Variants in RASSF5 observed in about 807,000 individuals in gnomAD.
The protein encoded by RASSF5 is Ras association domain family member 5.
RASSF5 carries 25 observed loss-of-function variants against 40.5 expected under a neutral mutation model. That is an observed-to-expected ratio of 0.62 (90% CI 0.45 to 0.86). The LOEUF is 0.86. RASSF5 is among the 40% of genes least tolerant of loss of function. RASSF5 has a pLI of 0.00. For missense variants in RASSF5, 521 were observed against 572.8 expected, an observed-to-expected ratio of 0.91 and a Z score of 0.92; for synonymous variants, 246 against 252.4, an observed-to-expected ratio of 0.97 and a Z score of 0.24.
At chr1:206,546,865 C>T (rs1264283768) in intron 2 of RASSF5, among the ~76,000 whole-genome samples, 2 of 152,242 alleles carry the variant, frequency 1.3e-5, no homozygotes, top group African/African-American at 4.8e-5. Flanking sequence ...TCTTTAGCAC[C>T]ATCTTAAAGT....
At chr1:206,527,142 C>A (rs1204914887) in intron 1 of RASSF5, among the ~76,000 whole-genome samples, 1 of 152,166 alleles carries the variant, frequency 6.6e-6, no homozygotes, top group Non-Finnish European at 1.5e-5. Flanking sequence ...CGCCCCAGCA[C>A]CCGATTGAGT....
chr1:206,584,653 A>C lies in RASSF5; in HGVS notation c.957A>C (p.Ala319=). 1 of 1,614,232 alleles carries C rather than the reference A, an allele frequency of 6.2e-7. No homozygotes were observed. Among genetic ancestry groups the C allele is most frequent in the Non-Finnish European group, 8.5e-7 (1 of 1,180,044 alleles). Residue 319 remains alanine (A), a synonymous_variant, in exon 4 of 6, where the codon GCA becomes GCC. Transcript: ENST00000579436. This position sits in a 1 kb window ranked among gnomAD's most constrained non-coding sequence, Gnocchi z 4.9. ...TTGTGGACAATCCCCAGAAGTTTGCACTTTTTAAGCGGATACACAAGGACG... is the reference window on the plus strand; with the variant it reads ...TTGTGGACAATCCCCAGAAGTTTGCCCTTTTTAAGCGGATACACAAGGACG... ...FMVVDNPQKF[A]LFKRIHKDGQ... is the part of the protein sequence containing the mutation.
intron 2 of RASSF5, among the ~76,000 whole-genome samples, chr1:206,541,481 A>T (rs550201634): frequency 2.0e-5 from 3 of 152,156 alleles, no homozygotes; most frequent in African/African-American, 7.2e-5. Flanking sequence ...TCAAAAGGTC[A>T]TCGGAAACAG....
chr1:206,565,079 A>C (rs1025523191), intron 2 of RASSF5, among the ~76,000 whole-genome samples: 3 of 152,102 alleles, frequency 2.0e-5, no homozygotes, highest in Non-Finnish European at 4.4e-5. Context: ...CCTTAAATTT[A>C]GTATGTCCAG....
At chr1:206,520,461 G>T (rs1418227837) in intron 1 of RASSF5, among the ~76,000 whole-genome samples, 1 of 152,090 alleles carries the variant, frequency 6.6e-6, no homozygotes, top group Non-Finnish European at 1.5e-5. Context: ...AGAAAAATTA[G>T]CTGGGCAAGG....
At position 206,551,128 on chromosome 1, in the gene RASSF5, G is replaced by A. The variant is rs1667828040; in HGVS notation, c.579+12835G>A. Among the ~76,000 whole-genome samples the A allele has an allele frequency of 1.3e-5, 2 of 152,262 alleles. 1 individual carries two copies. Among genetic ancestry groups the A allele is most frequent in the South Asian group, 4.1e-4 (2 of 4,828 alleles). ...GAATGTCAGGAAAGTCAGAAACTAG[G>A]GTCCCACATCTAATCTTTCCTGGTA... On this transcript the variant is annotated intron_variant, in intron 2 of 5. Coordinates refer to ENST00000579436, the MANE Select transcript of RASSF5 (RefSeq NM_182663.4).
intron 1 of RASSF5, among the ~76,000 whole-genome samples, chr1:206,517,005 A>G (rs1553395512): frequency 1.3e-5 from 2 of 152,116 alleles, no homozygotes. Context: ...TAAACTAGAG[A>G]GGGCCACAAC....
intron 2 of RASSF5, chr1:206,557,438 C>T: frequency 7.0e-7 from 1 of 1,428,092 alleles, no homozygotes; most frequent in Middle Eastern, 2.6e-4. Context: ...GCTACCCGAC[C>T]AGCTCCCGGC....
intron 1 of RASSF5, among the ~76,000 whole-genome samples, chr1:206,516,597 C>T (rs1271618703): frequency 6.6e-6 from 1 of 152,104 alleles, no homozygotes; most frequent in African/African-American, 2.4e-5. Context: ...GCTGGGACTA[C>T]AGGTGCGTGC....
At chr1:206,528,429 G>A (rs1667152252) in intron 1 of RASSF5, among the ~76,000 whole-genome samples, 2 of 152,178 alleles carry the variant, frequency 1.3e-5, no homozygotes, top group Non-Finnish European at 2.9e-5. Context: ...AATAGGCAGA[G>A]CACAGCGGGT....
intron 2 of RASSF5, among the ~76,000 whole-genome samples, chr1:206,575,867 A>T (rs1334883360): frequency 1.3e-5 from 2 of 152,228 alleles, no homozygotes; most frequent in African/African-American, 4.8e-5. Context: ...CTAACGCCAA[A>T]GTCCAAAGCC....
At chr1:206,578,805 A>G (rs1164913125) in intron 2 of RASSF5, among the ~76,000 whole-genome samples, 1 of 152,030 alleles carries the variant, frequency 6.6e-6, no homozygotes, top group Non-Finnish European at 1.5e-5. Context: ...ACTCACTCAG[A>G]GCCTCTCCTT....
intron 2 of RASSF5, among the ~76,000 whole-genome samples, chr1:206,540,592 T>C (rs1422091934): frequency 1.3e-5 from 2 of 152,252 alleles, no homozygotes; most frequent in African/African-American, 4.8e-5. Flanking sequence ...GCCTGCATGC[T>C]TCAGCAGAAC....
chr1:206,554,861 C>T (rs1405583238), intron 2 of RASSF5, among the ~76,000 whole-genome samples: 1 of 152,184 alleles, frequency 6.6e-6, no homozygotes, highest in Non-Finnish European at 1.5e-5. Flanking sequence ...CCTAAAGTCC[C>T]TGCCAGCACA....
chr1:206,581,469 C>T (rs1188397483), intron 2 of RASSF5, among the ~76,000 whole-genome samples: 5 of 151,922 alleles, frequency 3.3e-5, no homozygotes, highest in Admixed American at 1.3e-4. Flanking sequence ...TGTGGTGGTG[C>T]GCACCTGTAA....
At chr1:206,529,454 TATC>T in intron 1 of RASSF5, 1 of 1,136,780 alleles carries the variant, frequency 8.8e-7, no homozygotes, top group Non-Finnish European at 1.3e-6. Context: ...CTTACTGCAT[TATC>T]AAGGAGAAGG....
chr1:206,523,627 A>G, intron 1 of RASSF5, among the ~76,000 whole-genome samples: 1 of 103,078 alleles, frequency 9.7e-6, no homozygotes, highest in East Asian at 2.3e-4. Flanking sequence ...TAAAATATAT[A>G]AAATATATTA....
At chr1:206,562,871 A>G (rs111570557) in intron 2 of RASSF5, among the ~76,000 whole-genome samples, 9,870 of 151,990 alleles carry the variant, frequency 0.065, 403 homozygotes, top group African/African-American at 0.12. Context: ...GCAGTAAGCC[A>G]AGATCGTGCC....
At chr1:206,537,052 C>T (rs1472582377) in intron 1 of RASSF5, among the ~76,000 whole-genome samples, 1 of 152,200 alleles carries the variant, frequency 6.6e-6, no homozygotes, top group African/African-American at 2.4e-5. Flanking sequence ...CCCTCGCCTC[C>T]CTGAGTCTCC....
Sources: gnomAD v4.1 joint callset for allele counts (sites outside exome capture counted in the v4.1 genomes callset) on GRCh38, gnomAD v4.1.1 for gene constraint, Gnocchi (gnomAD v3.1) non-coding constraint, MANE v1.5 for transcripts, NCBI Gene and HGNC (gene_info 2026-07-23, HGNC 2026-07-21) for gene names.